Variants in DLGAP2 observed in about 807,000 individuals in gnomAD.
The protein encoded by DLGAP2 is DLG associated protein 2, also known as disks large-associated protein 2.
A neutral mutation model predicts 100.3 loss-of-function variants in DLGAP2; 26 were observed. The observed-to-expected ratio is 0.26, with a 90% confidence interval of 0.19 to 0.36. The LOEUF (loss-of-function observed/expected upper bound fraction) is 0.36, where lower values mean the gene tolerates loss of function less well. Among genes scored for constraint, DLGAP2 ranks in the 10% least tolerant of loss-of-function variants. The probability of loss-of-function intolerance (pLI) is 1.00; values close to 1 mark genes in which losing one functional copy is unlikely to be tolerated. For missense variants in DLGAP2, 1,858 were observed against 1,453.2 expected (o/e 1.28, Z -4.53); for synonymous variants, 886 against 630.1 (o/e 1.41, Z -6.08).
intron 2 of DLGAP2, among the ~76,000 whole-genome samples, chr8:1,065,887 A>G (rs993866592): frequency 2.3e-4 from 35 of 152,178 alleles, no homozygotes; most frequent in Admixed American, 3.3e-4. Context: ...TCGAGTTGTC[A>G]TTCTCCCGCG....
chr8:1,316,685 C>A (rs117489053), intron 3 of DLGAP2, among the ~76,000 whole-genome samples: 1 of 118,126 alleles, frequency 8.5e-6, no homozygotes. Flanking sequence ...TTTAAAAATA[C>A]AGCGTGCGTG....
At chr8:943,594 C>G (rs113864388) in intron 2 of DLGAP2, among the ~76,000 whole-genome samples, 1 of 151,248 alleles carries the variant, frequency 6.6e-6, no homozygotes, top group Admixed American at 6.6e-5. Context: ...GAGAACCGCT[C>G]TGTACACGAT....
At chr8:1,022,244 C>G (rs966202867) in intron 2 of DLGAP2, among the ~76,000 whole-genome samples, 2 of 151,274 alleles carry the variant, frequency 1.3e-5, no homozygotes, top group Non-Finnish European at 2.9e-5. Flanking sequence ...GGTAGACACT[C>G]CAGCCGCCAC....
At chr8:926,440 C>T (rs1798817685) in intron 2 of DLGAP2, among the ~76,000 whole-genome samples, 1 of 152,204 alleles carries the variant, frequency 6.6e-6, no homozygotes, top group Non-Finnish European at 1.5e-5. Flanking sequence ...TGTGTGTTTC[C>T]ACTGCTCCAT....
intron 1 of DLGAP2, among the ~76,000 whole-genome samples, chr8:873,195 C>T (rs1320756707): frequency 6.6e-6 from 1 of 152,186 alleles, no homozygotes. Flanking sequence ...TGTCCTTCAA[C>T]CTTGCCAAAC....
intron 3 of DLGAP2, among the ~76,000 whole-genome samples, chr8:1,359,243 C>T (rs1052762896): frequency 6.6e-6 from 1 of 152,222 alleles, no homozygotes; most frequent in Non-Finnish European, 1.5e-5. Context: ...TCCCGGGACG[C>T]ATCCCCTTCT....
At chr8:957,158 C>T (rs1216785167) in intron 2 of DLGAP2, among the ~76,000 whole-genome samples, 2 of 152,226 alleles carry the variant, frequency 1.3e-5, no homozygotes, top group African/African-American at 2.4e-5. Context: ...CTTTAGCTGG[C>T]TTCGGAGAGA....
chr8:1,087,747 A>G (rs1804023637), intron 2 of DLGAP2, among the ~76,000 whole-genome samples: 1 of 152,208 alleles, frequency 6.6e-6, no homozygotes, highest in Admixed American at 6.5e-5. Context: ...CACCTTGATG[A>G]TTGGTTATCA....
intron 13 of DLGAP2, among the ~76,000 whole-genome samples, chr8:1,693,675 A>G (rs950418692): frequency 1.1e-4 from 16 of 152,218 alleles, no homozygotes; most frequent in African/African-American, 3.6e-4. Flanking sequence ...TCTTTTCCTT[A>G]GGATCATTAA....
At chr8:1,545,405 C>T (rs1365534456) in intron 4 of DLGAP2, among the ~76,000 whole-genome samples, 1 of 152,172 alleles carries the variant, frequency 6.6e-6, no homozygotes, top group African/African-American at 2.4e-5. Flanking sequence ...CATTTACATT[C>T]TATTCTGAAT....
intron 7 of DLGAP2, among the ~76,000 whole-genome samples, chr8:1,628,333 T>G (rs1797559563): frequency 6.8e-6 from 1 of 146,730 alleles, no homozygotes; most frequent in South Asian, 2.2e-4. Context: ...TCACATTCTC[T>G]CTGACTTACT....
chr8:1,325,139 C>G (rs539637689), intron 3 of DLGAP2, among the ~76,000 whole-genome samples: 3 of 152,354 alleles, frequency 2.0e-5, no homozygotes, highest in East Asian at 3.9e-4. Context: ...AAACTCACCT[C>G]TGCAGGGTCA....
chr8:1,555,582 C>A (rs1415763770), intron 5 of DLGAP2, among the ~76,000 whole-genome samples: 1 of 152,188 alleles, frequency 6.6e-6, no homozygotes, highest in Non-Finnish European at 1.5e-5. Flanking sequence ...TAATCAGGGA[C>A]CGTCTGCAGG....
At chr8:1,699,363 C>T (rs759266174) in intron 14 of DLGAP2, among the ~76,000 whole-genome samples, 3 of 150,918 alleles carry the variant, frequency 2.0e-5, no homozygotes, top group Admixed American at 6.6e-5. Flanking sequence ...CCCAGCACTT[C>T]GGGAGGCCTA....
chr8:1,256,132 C>CTG (rs1799205895), intron 2 of DLGAP2, among the ~76,000 whole-genome samples: 1 of 84,068 alleles, frequency 1.2e-5, no homozygotes, highest in Non-Finnish European at 2.1e-5. Context: ...TGGGTGCTTT[C>CTG]TGTGTCCTCT....
intron 6 of DLGAP2, among the ~76,000 whole-genome samples, chr8:1,618,821 C>A (rs1797239360): frequency 6.6e-6 from 1 of 152,080 alleles, no homozygotes; most frequent in Admixed American, 6.6e-5. Flanking sequence ...TGTTGGGGGC[C>A]CTCTGTGCAC....
At chr8:809,063 C>T (rs138156680) in intron 1 of DLGAP2, among the ~76,000 whole-genome samples, 35 of 152,130 alleles carry the variant, frequency 2.3e-4, no homozygotes, top group African/African-American at 5.1e-4. Flanking sequence ...TGCACCACCA[C>T]GCCTGGCTAA....
chr8:1,354,563 G>C (rs1026189263), intron 3 of DLGAP2, among the ~76,000 whole-genome samples: 2 of 152,044 alleles, frequency 1.3e-5, no homozygotes, highest in Non-Finnish European at 2.9e-5. Context: ...AAGACTGTGG[G>C]GCCATTAAGA....
chr8:1,194,023 G>A (rs11777844), intron 2 of DLGAP2, among the ~76,000 whole-genome samples: 37 of 152,066 alleles, frequency 2.4e-4, no homozygotes, highest in South Asian at 6.2e-4. Context: ...TGGCATTACC[G>A]GGACCAAATC....
Sources: gnomAD v4.1 joint callset for allele counts (sites outside exome capture counted in the v4.1 genomes callset) on GRCh38, gnomAD v4.1.1 for gene constraint, MANE v1.5 for transcripts, NCBI Gene and HGNC (gene_info 2026-07-23, HGNC 2026-07-21) for gene names.